PCDH15: variants seen among roughly 807,000 people sequenced by gnomAD.
The protein encoded by PCDH15 is protocadherin-15.
A neutral mutation model predicts 178.5 loss-of-function variants in PCDH15; 129 were observed. The observed-to-expected ratio is 0.72, with a 90% CI of 0.63 to 0.84. The LOEUF (loss-of-function observed/expected upper bound fraction) is 0.84. Ranked by LOEUF, PCDH15 falls within the 40% of genes least tolerant of loss-of-function variation. PCDH15 has a pLI of 0.00. For missense variants in PCDH15, 2,230 were observed against 2,099.9 expected (o/e 1.06, Z -1.21); for synonymous variants, 800 against 732.0 (o/e 1.09, Z -1.50).
chr10:54,857,495 A>C (rs1953760852), intron 3 of PCDH15, among the ~76,000 whole-genome samples: 1 of 152,150 alleles, frequency 6.6e-6, no homozygotes. Flanking sequence ...ACTCAGGCTG[A>C]AGTGATGTGG....
At chr10:54,468,316 T>C (rs1202311639) in intron 3 of PCDH15, among the ~76,000 whole-genome samples, 20 of 152,024 alleles carry the variant, frequency 1.3e-4, no homozygotes, top group Admixed American at 1.3e-3. Context: ...TTCCTCTTAG[T>C]ATTGTTTTTT....
chr10:55,005,931 C>A (rs1839917392), intron 2 of PCDH15, among the ~76,000 whole-genome samples: 1 of 151,734 alleles, frequency 6.6e-6, no homozygotes, highest in African/African-American at 2.4e-5. Flanking sequence ...TCAGAGTTGT[C>A]TGTTATAAAT....
At chr10:54,069,572 A>C (rs2094201190) in intron 17 of PCDH15, among the ~76,000 whole-genome samples, 1 of 152,206 alleles carries the variant, frequency 6.6e-6, no homozygotes, top group Non-Finnish European at 1.5e-5. Context: ...ATATTTCTTG[A>C]AGTTTTTTAA....
At chr10:53,884,649 G>A (rs1017979920) in intron 26 of PCDH15, among the ~76,000 whole-genome samples, 2 of 152,060 alleles carry the variant, frequency 1.3e-5, no homozygotes, top group African/African-American at 4.8e-5. Flanking sequence ...TGTAGATACT[G>A]TTAAGTCCAG....
chr10:55,016,470 T>C lies in PCDH15; in HGVS notation c.-79-118970A>G, dbSNP rs548005393. Among the ~76,000 whole-genome samples, 19 of 152,282 alleles carry C rather than the reference T, an allele frequency of 1.2e-4. 1 individual carries two copies. The highest frequency in any genetic ancestry group is 4.3e-4 in the African/African-American group (18 of 41,566). ...TTTATCTCCATGAGTTCAATTGTTT[T>C]AAGTTTTAGCTCCCACAAATGAGTG... On this transcript the variant is annotated intron_variant, in intron 2 of 5. Transcript: ENST00000458638.
At chr10:54,955,801 A>G (rs926523164) in intron 2 of PCDH15, among the ~76,000 whole-genome samples, 8 of 151,266 alleles carry the variant, frequency 5.3e-5, no homozygotes, top group Non-Finnish European at 1.0e-4. Context: ...AGCGCAATTA[A>G]TTTATGACAT....
intron 2 of PCDH15, among the ~76,000 whole-genome samples, chr10:55,576,509 G>T (rs928198613): frequency 1.3e-5 from 2 of 152,138 alleles, no homozygotes; most frequent in East Asian, 3.9e-4. Flanking sequence ...AATGTGTGTT[G>T]CATGTTTGAT....
chr10:54,541,581 A>G (rs1372743451), intron 2 of PCDH15, among the ~76,000 whole-genome samples: 2 of 152,160 alleles, frequency 1.3e-5, no homozygotes, highest in Non-Finnish European at 2.9e-5. Context: ...TCTTTCCAAA[A>G]GAACTTTTCT....
intron 28 of PCDH15, among the ~76,000 whole-genome samples, chr10:53,855,064 A>T (rs1171855893): frequency 6.6e-6 from 1 of 152,064 alleles, no homozygotes; most frequent in Admixed American, 6.6e-5. Context: ...AAAATAAAGA[A>T]AATGGCATCA....
rs1197818418 is a variant in PCDH15, at chr10:54,924,238, G to A, written c.-79-26738C>T. Among the ~76,000 whole-genome samples the A allele has an allele frequency of 2.9e-5, 4 of 137,170 alleles. 1 individual carries two copies. Among genetic ancestry groups the A allele is most frequent in the Admixed American group, 7.2e-5 (1 of 13,982 alleles). The allele number at this position is 137,170 out of a possible 152,430, so 90.0% of individuals were successfully genotyped here. On this transcript the variant is annotated intron_variant, in intron 2 of 5. Transcript: ENST00000458638. ...CACAAGAACAGCAGGGGGGAAATCC[G>A]CCCCCATGATCCAATCACCTCCTCC...
intron 3 of PCDH15, among the ~76,000 whole-genome samples, chr10:54,401,111 G>T (rs1372815545): frequency 6.6e-6 from 1 of 151,898 alleles, no homozygotes; most frequent in Non-Finnish European, 1.5e-5. Flanking sequence ...TTATTTAAAA[G>T]TCTTTGCTCT....
intron 1 of PCDH15, among the ~76,000 whole-genome samples, chr10:55,225,570 T>A (rs1473805012): frequency 6.6e-6 from 1 of 151,858 alleles, no homozygotes; most frequent in Non-Finnish European, 1.5e-5. Flanking sequence ...AAAAGCTTCA[T>A]AACTAGAGGT....
rs115864393 is a variant in PCDH15, at chr10:54,621,960, A to C, written c.91+42212T>G. On this transcript the variant is annotated intron_variant, in intron 2 of 37. Coordinates refer to ENST00000644397, the MANE Select transcript of PCDH15 (RefSeq NM_001384140.1). The stretch of plus-strand genomic sequence containing the variant: ...AAGAAGAGGTATTTTTTAAATTAGC[A>C]AAGTGGAGAATCATTTTTAAACTTT... Among the ~76,000 whole-genome samples, 1,220 of 152,190 alleles carry C rather than the reference A, an allele frequency of 8.0e-3. 17 individuals carry two copies. Among genetic ancestry groups the C allele is most frequent in the African/African-American group, 0.028 (1,162 of 41,552 alleles).
At chr10:55,196,464 T>G (rs1361290329) in intron 1 of PCDH15, among the ~76,000 whole-genome samples, 2 of 152,078 alleles carry the variant, frequency 1.3e-5, no homozygotes, top group Non-Finnish European at 2.9e-5. Flanking sequence ...TCTTTCTTTA[T>G]GTCTAATGCC....
At chr10:54,578,047 T>G (rs1190452872) in intron 2 of PCDH15, among the ~76,000 whole-genome samples, 1 of 152,176 alleles carries the variant, frequency 6.6e-6, no homozygotes, top group African/African-American at 2.4e-5. Context: ...TTATATACAT[T>G]TGGAAAGTTT....
chr10:54,086,532 A>C (rs916604215), intron 16 of PCDH15, among the ~76,000 whole-genome samples: 1 of 152,208 alleles, frequency 6.6e-6, no homozygotes, highest in Non-Finnish European at 1.5e-5. Context: ...CATGAATCTC[A>C]GAAGTTTCAA....
At position 54,164,280 on chromosome 10, in the gene PCDH15, G is replaced by C. The variant is rs767647756; in HGVS notation, c.1591-10987C>G. Among the ~76,000 whole-genome samples the C allele has an allele frequency of 4.3e-4, 65 of 152,268 alleles. 1 individual carries two copies. Among genetic ancestry groups the C allele is most frequent in the Non-Finnish European group, 8.5e-4 (58 of 68,010 alleles). On this transcript the variant is annotated intron_variant, in intron 13 of 37. Transcript: ENST00000644397. ...TAATTTGGAAATATTAAAGTGTATT[G>C]TGTTAAATATTTCATCTCTCTGCCT...
At chr10:54,053,093 C>G (rs887296382) in intron 18 of PCDH15, among the ~76,000 whole-genome samples, 3 of 152,218 alleles carry the variant, frequency 2.0e-5, no homozygotes, top group African/African-American at 7.2e-5. Flanking sequence ...TCTTTATTAG[C>G]AGTGTGAGAA....
chr10:54,942,716 G>T (rs1330732997), intron 2 of PCDH15, among the ~76,000 whole-genome samples: 1 of 151,994 alleles, frequency 6.6e-6, no homozygotes, highest in South Asian at 2.1e-4. Flanking sequence ...TTCTTATAGA[G>T]TGCGGAGCCT....
Sources: allele counts gnomAD v4.1 joint callset (sites outside exome capture counted in the v4.1 genomes callset), GRCh38; gene constraint gnomAD v4.1.1; transcripts MANE v1.5; gene names NCBI Gene and HGNC (gene_info 2026-07-23, HGNC 2026-07-21).